Variants in MYT1L observed in about 807,000 individuals in gnomAD.
The protein encoded by MYT1L is myelin transcription factor 1-like protein.
In MYT1L, 12 loss-of-function variants were observed where a neutral mutation model predicts 126.7. The ratio of observed to expected loss-of-function variants is 0.09; its 90% CI spans 0.06 to 0.15. MYT1L has a LOEUF of 0.15. Ranked by LOEUF, MYT1L falls within the 10% of genes least tolerant of loss-of-function variation. MYT1L has a pLI of 1.00. For missense variants in MYT1L, 979 were observed against 1,585.2 expected (o/e 0.62, Z 6.49); for synonymous variants, 541 against 604.2 (o/e 0.90, Z 1.53).
At chr2:2,181,241 T>C (rs926884659) in intron 2 of MYT1L, among the ~76,000 whole-genome samples, 4 of 151,406 alleles carry the variant, frequency 2.6e-5, no homozygotes, top group African/African-American at 4.9e-5. Flanking sequence ...CCTGTGTATA[T>C]CTGTGTGTGC....
At chr2:1,956,195 A>ATCTATCTCTCTC (rs1558529548) in intron 8 of MYT1L, among the ~76,000 whole-genome samples, 1 of 79,336 alleles carries the variant, frequency 1.3e-5, no homozygotes, top group African/African-American at 5.0e-5. Context: ...CTAGCTGTCT[A>ATCTATCTCTCTC]TCTATCTATC....
At chr2:2,076,512 T>C (rs1371037298) in intron 3 of MYT1L, among the ~76,000 whole-genome samples, 1 of 151,512 alleles carries the variant, frequency 6.6e-6, no homozygotes, top group Non-Finnish European at 1.5e-5. Context: ...AACTAACCAA[T>C]AAACAGACAA....
intron 23 of MYT1L, among the ~76,000 whole-genome samples, chr2:1,797,014 G>A (rs577942998): frequency 6.6e-6 from 1 of 152,126 alleles, no homozygotes; most frequent in Non-Finnish European, 1.5e-5. Context: ...TCTCTGCTCC[G>A]GGCTCTGGTG....
chr2:2,288,550 T>C (rs1436225853), intron 1 of MYT1L, among the ~76,000 whole-genome samples: 1 of 152,226 alleles, frequency 6.6e-6, no homozygotes, highest in Non-Finnish European at 1.5e-5. Flanking sequence ...ATGAAAACAA[T>C]GTAAAATATC....
At chr2:2,232,170 G>T (rs2094177047) in intron 2 of MYT1L, among the ~76,000 whole-genome samples, 1 of 152,232 alleles carries the variant, frequency 6.6e-6, no homozygotes, top group South Asian at 2.1e-4. Flanking sequence ...TGCATTCAGT[G>T]GTGCAGATGG....
chr2:2,065,559 C>T (rs1042420290), intron 3 of MYT1L, among the ~76,000 whole-genome samples: 2 of 152,084 alleles, frequency 1.3e-5, no homozygotes, highest in Non-Finnish European at 2.9e-5. Flanking sequence ...CCTGAAATTA[C>T]CAGCCTCAGT....
intron 9 of MYT1L, among the ~76,000 whole-genome samples, chr2:1,942,428 G>T (rs772423999): frequency 2.0e-5 from 3 of 152,140 alleles, no homozygotes; most frequent in Non-Finnish European, 4.4e-5. Context: ...CAGATGACCG[G>T]CTGATTATCT....
At chr2:2,282,340 A>G (rs1028941437) in intron 2 of MYT1L, among the ~76,000 whole-genome samples, 1 of 152,202 alleles carries the variant, frequency 6.6e-6, no homozygotes, top group Admixed American at 6.5e-5. Context: ...TTTGAAATAC[A>G]TTTTTAGCCT....
chr2:2,260,083 G>A (rs144221295), intron 2 of MYT1L, among the ~76,000 whole-genome samples: 15 of 152,198 alleles, frequency 9.9e-5, no homozygotes, highest in Admixed American at 2.6e-4. Context: ...GAGTATCCAC[G>A]CCATTCCTTA....
At chr2:2,184,163 T>C (rs1175649927) in intron 2 of MYT1L, among the ~76,000 whole-genome samples, 1 of 152,178 alleles carries the variant, frequency 6.6e-6, no homozygotes, top group Non-Finnish European at 1.5e-5. Context: ...TTCACAATTT[T>C]AAACGTCTAA....
intron 2 of MYT1L, among the ~76,000 whole-genome samples, chr2:2,181,233 T>C (rs2091477602): frequency 6.6e-6 from 1 of 151,976 alleles, no homozygotes; most frequent in Non-Finnish European, 1.5e-5. Context: ...TGTGTGTACC[T>C]GTGTATATCT....
chr2:2,020,109 T>C (rs1484602253), intron 4 of MYT1L, among the ~76,000 whole-genome samples: 1 of 152,156 alleles, frequency 6.6e-6, no homozygotes, highest in East Asian at 1.9e-4. Flanking sequence ...CCTCCCAAAG[T>C]GCTGAGATTA....
chr2:2,109,991 T>C (rs914174227), intron 3 of MYT1L, among the ~76,000 whole-genome samples: 4 of 148,102 alleles, frequency 2.7e-5, no homozygotes, highest in South Asian at 2.1e-4. Context: ...TCTATATCCA[T>C]GGAAACAAAC....
intron 4 of MYT1L, among the ~76,000 whole-genome samples, chr2:2,024,588 C>T (rs975159576): frequency 2.0e-5 from 3 of 152,214 alleles, no homozygotes; most frequent in Admixed American, 2.0e-4. Context: ...ACTTCTACCT[C>T]TAATTAAACA....
intron 3 of MYT1L, among the ~76,000 whole-genome samples, chr2:2,142,950 T>G (rs577669040): frequency 3.4e-4 from 51 of 149,964 alleles, no homozygotes; most frequent in African/African-American, 7.1e-4. Context: ...GCCTCCCAAA[T>G]TGCTAGGCTT....
chr2:1,997,381 A>T (rs2061963162), intron 4 of MYT1L, 34 bp from the exon 5 acceptor site: 1 of 152,486 alleles, frequency 6.6e-6, no homozygotes, highest in Admixed American at 6.5e-5. Context: ...ACAGCACCTC[A>T]TGAATTCATC....
intron 5 of MYT1L, among the ~76,000 whole-genome samples, chr2:1,990,424 C>T (rs957383296): frequency 2.0e-5 from 3 of 152,158 alleles, no homozygotes; most frequent in African/African-American, 7.2e-5. Flanking sequence ...CAGGAAATCA[C>T]GAGGAAGACA....
At chr2:1,878,173 T>C (rs1002262146) in intron 18 of MYT1L, among the ~76,000 whole-genome samples, 2 of 152,252 alleles carry the variant, frequency 1.3e-5, no homozygotes, top group East Asian at 1.9e-4. Flanking sequence ...TAACTTCTAT[T>C]GAGTGCTGCC....
intron 1 of MYT1L, among the ~76,000 whole-genome samples, chr2:2,292,172 T>C (rs1306965703): frequency 6.6e-6 from 1 of 152,180 alleles, no homozygotes; most frequent in African/African-American, 2.4e-5. Context: ...GATGCAAGAA[T>C]TCCTGCAGAG....
Sources: allele counts gnomAD v4.1 joint callset (sites outside exome capture counted in the v4.1 genomes callset), GRCh38; gene constraint gnomAD v4.1.1; transcripts MANE v1.5; gene names NCBI Gene and HGNC (gene_info 2026-07-23, HGNC 2026-07-21).